Variants in AUTS2 observed in about 807,000 individuals in gnomAD.
AUTS2 encodes the protein activator of transcription and developmental regulator AUTS2.
A neutral mutation model predicts 112.4 loss-of-function variants in AUTS2; 17 were observed. That is an observed-to-expected ratio of 0.15 (90% CI 0.10 to 0.23). The LOEUF is 0.23. Among genes scored for constraint, AUTS2 ranks in the 10% least tolerant of loss-of-function variants. The probability of loss-of-function intolerance (pLI) is 1.00; values close to 1 mark genes in which losing one functional copy is unlikely to be tolerated. For missense variants in AUTS2, 1,510 were observed against 1,701.6 expected (o/e 0.89, Z 1.98); for synonymous variants, 751 against 702.7 (o/e 1.07, Z -1.09).
chr7:69,849,731 TAA>T (rs1415508870), intron 1 of AUTS2, among the ~76,000 whole-genome samples: 1 of 152,200 alleles, frequency 6.6e-6, no homozygotes, highest in Non-Finnish European at 1.5e-5. Flanking sequence ...AAACTCACTG[TAA>T]TGCTATCCAT....
chr7:69,614,368 T>TTTCTTTCTTTCTTTC lies in AUTS2; in HGVS notation c.309+14408_309+14409insCTTTCTTTCTTTCTT. On this transcript the variant is annotated intron_variant, in intron 1 of 18. Coordinates refer to ENST00000342771, the MANE Select transcript of AUTS2 (RefSeq NM_015570.4). ...TCTTTCTTTCTTTCTTTCTTTCTTTTTTTAAGAGATGGGATCTCACTCTGT... is the reference window on the plus strand; with the variant it reads ...TCTTTCTTTCTTTCTTTCTTTCTTTTTTCTTTCTTTCTTTCTTTAAGAGATGGGATCTCACTCTGT... Among the ~76,000 whole-genome samples the TTTCTTTCTTTCTTTC allele has an allele frequency of 7.2e-4, 14 of 19,534 alleles. 4 individuals are homozygous for TTTCTTTCTTTCTTTC. The highest frequency in any genetic ancestry group is 1.9e-3 in the African/African-American group (10 of 5,254). 12.8% of individuals were successfully genotyped at this position (19,534 alleles called of 152,430 possible). A position where few individuals can be genotyped will look rare whatever the true frequency, so the allele number is the denominator to read the frequency against.
rs1409319155 is a variant in AUTS2 at position 70,756,481 on chromosome 7, T to G, written c.743-6389T>G. On this transcript the variant is annotated intron_variant, in intron 6 of 18. Transcript: ENST00000342771. ...CGCATTCATTTTTTACTTTCTGGAATGAAATAGATACTTAATGTACCCATC... is the reference window on the plus strand; with the variant it reads ...CGCATTCATTTTTTACTTTCTGGAAGGAAATAGATACTTAATGTACCCATC... Among the ~76,000 whole-genome samples, 4 of 152,324 alleles carry G rather than the reference T, an allele frequency of 2.6e-5. No homozygotes were observed. The East Asian group carries it at 5.8e-4, about 22-fold the overall frequency.
At chr7:70,468,859 G>T (rs549057418) in intron 5 of AUTS2, among the ~76,000 whole-genome samples, 1 of 152,020 alleles carries the variant, frequency 6.6e-6, no homozygotes, top group African/African-American at 2.4e-5. Context: ...CAAGGTCTTC[G>T]ACAAGGTCTT....
At chr7:70,436,035 A>C (rs982530896) in intron 5 of AUTS2, 1 of 391,684 alleles carries the variant, frequency 2.6e-6, no homozygotes, top group Admixed American at 4.4e-5. Flanking sequence ...ACTTTATGGA[A>C]GATGACTCAT....
rs1310733966 is a variant in AUTS2, at chr7:70,075,378, A to G, written c.523-42754A>G. 2.0e-5 allele frequency among the ~76,000 whole-genome samples: 3 copies of G among 152,130 alleles called. No homozygotes were observed. In the East Asian group the frequency reaches 5.8e-4, roughly 29 times the overall value. On this transcript the variant is annotated intron_variant, in intron 2 of 18. Transcript: ENST00000342771. ...GCCTCTGTACCCCTGATTATGTTTC[A>G]GCTTTCTCTAATTTCTCTGCTAACC...
rs541981244 is a variant in AUTS2 at position 70,414,606 on chromosome 7, A to T, written c.661-21146A>T. Among the ~76,000 whole-genome samples the T allele has an allele frequency of 3.3e-5, 5 of 152,130 alleles. No homozygotes were observed. The South Asian group carries it at 1.0e-3, about 32-fold the overall frequency. ...TTAGCAGTGGGGAGACAATTATGAGACTCTCAGAGGTGAGAAAGAGGATTC... is the reference window on the plus strand; with the variant it reads ...TTAGCAGTGGGGAGACAATTATGAGTCTCTCAGAGGTGAGAAAGAGGATTC... On this transcript the variant is annotated intron_variant, in intron 4 of 18. Coordinates refer to ENST00000342771, the MANE Select transcript of AUTS2 (RefSeq NM_015570.4).
chr7:70,542,836 CTT>C (rs531514056), intron 5 of AUTS2, among the ~76,000 whole-genome samples: 32 of 152,290 alleles, frequency 2.1e-4, no homozygotes, highest in African/African-American at 7.0e-4. Context: ...CTTCAGATTT[CTT>C]TTCTTCTTAT....
intron 2 of AUTS2, among the ~76,000 whole-genome samples, chr7:70,067,891 A>G (rs1480986300): frequency 6.6e-6 from 1 of 151,836 alleles, no homozygotes; most frequent in African/African-American, 2.4e-5. Context: ...AACTTCATAC[A>G]GCCAAAATAC....
At chr7:69,684,307 G>T (rs1796959409) in intron 1 of AUTS2, among the ~76,000 whole-genome samples, 3 of 152,138 alleles carry the variant, frequency 2.0e-5, no homozygotes, top group Admixed American at 2.0e-4. Context: ...CAGGGTCAAG[G>T]TTTTCTCTGA....
At chr7:70,071,882 A>G (rs1802785110) in intron 2 of AUTS2, among the ~76,000 whole-genome samples, 1 of 152,154 alleles carries the variant, frequency 6.6e-6, no homozygotes, top group South Asian at 2.1e-4. Context: ...GTCCTGTGTC[A>G]CCTGTGATGA....
chr7:70,257,731 T>C (rs1314019699), intron 4 of AUTS2, among the ~76,000 whole-genome samples: 1 of 152,024 alleles, frequency 6.6e-6, no homozygotes, highest in African/African-American at 2.4e-5. Flanking sequence ...GTGCTGGGAT[T>C]ACAGGAGTGA....
At position 69,786,353 on chromosome 7, in the gene AUTS2, G is replaced by A. The variant is rs1789375692; in HGVS notation, c.310-112933G>A. 2.0e-5 allele frequency among the ~76,000 whole-genome samples: 3 copies of A among 151,680 alleles called. No homozygotes were observed. The South Asian group carries it at 6.3e-4, about 32-fold the overall frequency. On this transcript the variant is annotated intron_variant, in intron 1 of 18. Transcript: ENST00000342771. ...GTCAGCACTCTGTAAAAACGCACCAGTCAGCGCTCTGTGTCTAGCTAAAGG... is the reference window on the plus strand; with the variant it reads ...GTCAGCACTCTGTAAAAACGCACCAATCAGCGCTCTGTGTCTAGCTAAAGG...
At chr7:69,896,510 C>T (rs547497371) in intron 1 of AUTS2, among the ~76,000 whole-genome samples, 1 of 151,798 alleles carries the variant, frequency 6.6e-6, no homozygotes, top group South Asian at 2.1e-4. Flanking sequence ...TTGCTGTGAT[C>T]CTTCGTGTAT....
At chr7:69,638,156 C>T (rs1197057693) in intron 1 of AUTS2, among the ~76,000 whole-genome samples, 1 of 152,160 alleles carries the variant, frequency 6.6e-6, no homozygotes, top group Admixed American at 6.5e-5. Context: ...GTAGCTGGGA[C>T]TACAGGTGCA....
At chr7:70,162,954 G>T (rs907216676) in intron 4 of AUTS2, among the ~76,000 whole-genome samples, 1 of 152,040 alleles carries the variant, frequency 6.6e-6, no homozygotes, top group Non-Finnish European at 1.5e-5. Context: ...GACTTATAAC[G>T]GCTGTGTTTA....
chr7:69,690,003 T>A (rs1298645723), intron 1 of AUTS2, among the ~76,000 whole-genome samples: 1 of 152,032 alleles, frequency 6.6e-6, no homozygotes, highest in Non-Finnish European at 1.5e-5. Context: ...AACTCCTTAC[T>A]TCTATTTAAA....
chr7:70,570,234 A>G (rs906306388), intron 5 of AUTS2, among the ~76,000 whole-genome samples: 1 of 152,154 alleles, frequency 6.6e-6, no homozygotes, highest in Admixed American at 6.5e-5. Flanking sequence ...TCACTCCTGA[A>G]TGAGGTGGTT....
intron 5 of AUTS2, among the ~76,000 whole-genome samples, chr7:70,473,914 G>T (rs1281569964): frequency 1.3e-5 from 2 of 151,984 alleles, no homozygotes; most frequent in African/African-American, 2.4e-5. Context: ...TATATTTCAT[G>T]GAAATCTGCT....
At chr7:70,401,901 C>T (rs1794341418) in intron 4 of AUTS2, among the ~76,000 whole-genome samples, 1 of 152,206 alleles carries the variant, frequency 6.6e-6, no homozygotes, top group East Asian at 1.9e-4. Context: ...ATTTTCTTTA[C>T]AAAATCCAGT....
Sources: allele counts gnomAD v4.1 joint callset (sites outside exome capture counted in the v4.1 genomes callset), GRCh38; gene constraint gnomAD v4.1.1; transcripts MANE v1.5; gene names NCBI Gene and HGNC (gene_info 2026-07-23, HGNC 2026-07-21).